Variants in CSGALNACT1 observed in about 807,000 individuals in gnomAD.
CSGALNACT1 encodes the protein chondroitin sulfate N-acetylgalactosaminyltransferase 1.
Under a neutral mutation model 51.0 loss-of-function variants are expected in CSGALNACT1, and 52 were observed. The observed-to-expected ratio is 1.02, with a 90% CI of 0.82 to 1.29. CSGALNACT1 has a LOEUF of 1.29. CSGALNACT1 is among the 50% of genes most tolerant of loss of function. CSGALNACT1 has a pLI of 0.00. For synonymous variants in CSGALNACT1, 341 were observed against 254.4 expected (o/e 1.34, Z -3.24); for missense variants, 935 against 679.2 (o/e 1.38, Z -4.19).
intron 3 of CSGALNACT1, among the ~76,000 whole-genome samples, chr8:19,511,232 C>T (rs953648938): frequency 7.2e-5 from 11 of 152,200 alleles, no homozygotes; most frequent in African/African-American, 2.4e-4. Context: ...ATCTCCACCC[C>T]GTGTGCAGAC....
At chr8:19,655,091 C>T (rs1466810625) in intron 1 of CSGALNACT1, among the ~76,000 whole-genome samples, 2 of 152,062 alleles carry the variant, frequency 1.3e-5, no homozygotes, top group African/African-American at 4.8e-5. Context: ...TTTTGTAGAA[C>T]ACCATGGCCT....
intron 1 of CSGALNACT1, among the ~76,000 whole-genome samples, chr8:19,670,728 T>A (rs2059738770): frequency 6.8e-6 from 1 of 146,628 alleles, no homozygotes; most frequent in East Asian, 2.1e-4. Flanking sequence ...AGAAAAAAGA[T>A]AACACATGAG....
chr8:19,620,485 T>C (rs1334390112), intron 1 of CSGALNACT1, among the ~76,000 whole-genome samples: 2 of 150,100 alleles, frequency 1.3e-5, no homozygotes, highest in Admixed American at 6.7e-5. Flanking sequence ...CTGGCTGGAG[T>C]ACAGTGGCAC....
chr8:19,653,957 C>T lies in CSGALNACT1; in HGVS notation c.-544+28516G>A, dbSNP rs148763423. Among the ~76,000 whole-genome samples, 61 of 152,286 alleles carry T rather than the reference C, an allele frequency of 4.0e-4. 1 individual carries two copies. The highest frequency in any genetic ancestry group is 1.3e-3 in the African/African-American group (56 of 41,554). On this transcript the variant is annotated intron_variant, in intron 1 of 9. Transcript: ENST00000332246. ...TGACATGCCTCCATTCCCCTCTCCC[C>T]TTCCTTGCAAGGAAACCATGCTAGG...
rs1313375014 is a variant in CSGALNACT1, at chr8:19,565,754, A to G, written c.-297+25406T>C. On this transcript the variant is annotated intron_variant, in intron 3 of 9. Transcript: ENST00000454498. ...GCCAACACGGTGAAACGCTGTCTCT[A>G]CTAAAAATGCAAAAATTAGCCTGGT... Among the ~76,000 whole-genome samples the G allele has an allele frequency of 3.3e-5, 5 of 152,276 alleles. No homozygotes were observed. In the East Asian group the frequency reaches 9.7e-4, roughly 29 times the overall value.
chr8:19,699,995 C>A (rs1328832566), intron 1 of CSGALNACT1, among the ~76,000 whole-genome samples: 1 of 151,630 alleles, frequency 6.6e-6, no homozygotes. Context: ...GCCTGTAGTC[C>A]CAGCTACTCA....
At chr8:19,723,621 G>T (rs1011867349) in intron 1 of CSGALNACT1, among the ~76,000 whole-genome samples, 1 of 152,236 alleles carries the variant, frequency 6.6e-6, no homozygotes, top group Non-Finnish European at 1.5e-5. Context: ...CAACAGGTTT[G>T]CTTTCTGGTA....
chr8:19,553,195 T>G (rs1445957513), intron 3 of CSGALNACT1, among the ~76,000 whole-genome samples: 1 of 152,112 alleles, frequency 6.6e-6, no homozygotes, highest in African/African-American at 2.4e-5. Context: ...AATACCTTCA[T>G]GACCTCAGGT....
At chr8:19,633,506 GT>G (rs966807498) in intron 1 of CSGALNACT1, among the ~76,000 whole-genome samples, 6 of 152,192 alleles carry the variant, frequency 3.9e-5, no homozygotes, top group African/African-American at 1.2e-4. Context: ...GATAGGGCAG[GT>G]CCTTAATTCC....
At chr8:19,703,462 C>T (rs953646794) in intron 1 of CSGALNACT1, among the ~76,000 whole-genome samples, 2 of 152,240 alleles carry the variant, frequency 1.3e-5, no homozygotes, top group Admixed American at 6.5e-5. Context: ...TGCCACCAAG[C>T]CCGGCTAATT....
chr8:19,745,455 G>A (rs968132735), intron 1 of CSGALNACT1, among the ~76,000 whole-genome samples: 1 of 152,102 alleles, frequency 6.6e-6, no homozygotes, highest in Non-Finnish European at 1.5e-5. Context: ...TTTCACTTGT[G>A]CCCCTAAAGA....
intron 3 of CSGALNACT1, among the ~76,000 whole-genome samples, chr8:19,560,726 G>C (rs6995903): frequency 0.14 from 20,579 of 152,156 alleles, 1,911 homozygotes; most frequent in African/African-American, 0.26. Flanking sequence ...ACTAAGTGCT[G>C]ACAAAGATGT....
intron 1 of CSGALNACT1, among the ~76,000 whole-genome samples, chr8:19,675,753 G>A (rs2060129531): frequency 6.6e-6 from 1 of 152,062 alleles, no homozygotes; most frequent in Non-Finnish European, 1.5e-5. Context: ...CTCCTAAAAT[G>A]CTAGGATTAC....
intron 4 of CSGALNACT1, among the ~76,000 whole-genome samples, chr8:19,483,214 C>G (rs1332992081): frequency 1.3e-5 from 2 of 152,166 alleles, no homozygotes; most frequent in South Asian, 4.1e-4. Flanking sequence ...CCAATACATT[C>G]TCAACAGAGC....
At chr8:19,586,731 G>A (rs1373480862) in intron 3 of CSGALNACT1, among the ~76,000 whole-genome samples, 1 of 152,180 alleles carries the variant, frequency 6.6e-6, no homozygotes, top group East Asian at 1.9e-4. Context: ...TTGTACCTAA[G>A]AAGGTTGAGA....
intron 1 of CSGALNACT1, among the ~76,000 whole-genome samples, chr8:19,659,090 C>G (rs143977994): frequency 6.6e-6 from 1 of 151,974 alleles, no homozygotes; most frequent in African/African-American, 2.4e-5. Context: ...CCTTACATGT[C>G]TTTACCATGT....
intron 5 of CSGALNACT1, among the ~76,000 whole-genome samples, chr8:19,452,097 C>T (rs543916864): frequency 1.9e-4 from 29 of 152,344 alleles, no homozygotes; most frequent in African/African-American, 6.0e-4. Context: ...GAGACATAAT[C>T]TTCTGCTGTC....
exon 4 of CSGALNACT1, chr8:19,505,891 C>A (rs576108028): frequency 1.1e-4 from 173 of 1,596,946 alleles, no homozygotes; most frequent in Non-Finnish European, 1.1e-4. Context: ...GGGGCCCCCA[C>A]GGAAGGGCTT....
chr8:19,418,811 T>C (rs1316654207), intron 7 of CSGALNACT1, 61 bp from the exon 7 acceptor site: 4 of 1,229,700 alleles, frequency 3.3e-6, no homozygotes, highest in Non-Finnish European at 4.8e-6. Flanking sequence ...GGTTTGTTCC[T>C]TGACATTTGG....
Sources: allele counts gnomAD v4.1 joint callset (sites outside exome capture counted in the v4.1 genomes callset), GRCh38; gene constraint gnomAD v4.1.1; transcripts MANE v1.5; gene names NCBI Gene and HGNC (gene_info 2026-07-23, HGNC 2026-07-21).